Variants in GNPTAB observed in about 807,000 individuals in gnomAD.
GNPTAB encodes N-acetylglucosamine-1-phosphate transferase subunits alpha and beta, also known as N-acetylglucosamine-1-phosphotransferase subunits alpha/beta.
A neutral mutation model predicts 136.6 loss-of-function variants in GNPTAB; 92 were observed. That is an observed-to-expected ratio of 0.67 (90% CI 0.57 to 0.80). GNPTAB has a LOEUF of 0.80. Ranked by LOEUF, GNPTAB falls within the 30% of genes least tolerant of loss-of-function variation. GNPTAB has a pLI of 0.00. For synonymous variants in GNPTAB, 512 were observed against 535.1 expected (o/e 0.96, Z 0.60); for missense variants, 1,343 against 1,501.8 (o/e 0.89, Z 1.75).
In GNPTAB at chr12:101,808,809, G is replaced by A. The variant is rs566815687; in HGVS notation, c.118-12047C>T. ...ACTAAAAATACAAAATTAGCTGGGC[G>A]TGGTGGTGCATGCCTGTAATCCCAG... On this transcript the variant is annotated intron_variant, in intron 1 of 20. Coordinates refer to ENST00000299314, the MANE Select transcript of GNPTAB (RefSeq NM_024312.5). Among the ~76,000 whole-genome samples, 14 of 152,176 alleles carry A rather than the reference G, an allele frequency of 9.2e-5. No homozygotes were observed. The South Asian group carries it at 1.0e-3, about 11-fold the overall frequency.
chr12:101,776,360 A>G (rs2137131921), intron 7 of GNPTAB, among the ~76,000 whole-genome samples: 1 of 152,356 alleles, frequency 6.6e-6, no homozygotes, highest in South Asian at 2.1e-4. Flanking sequence ...TGTGTCCGTC[A>G]TACACAAAAA....
At position 101,749,201 on chromosome 12, in the gene GNPTAB, G is replaced by C. The variant is rs1389316737; in HGVS notation, c.3603-10C>G. The C allele has an allele frequency of 1.3e-6, 2 of 1,542,806 alleles. No individual in the cohort carries two copies. The stretch of plus-strand genomic sequence containing the variant: ...GTCTCGATAAGCCCTCCTGTGCAGA[G>C]AGAAGAAAGCAACTATGTACTTCTG... On this transcript the variant is annotated splice_polypyrimidine_tract_variant and intron_variant, in intron 19 of 20. Coordinates refer to ENST00000299314, the MANE Select transcript of GNPTAB (RefSeq NM_024312.5).
chr12:101,796,967 T>C (rs112636650), intron 1 of GNPTAB, among the ~76,000 whole-genome samples: 57 of 152,282 alleles, frequency 3.7e-4, no homozygotes, highest in African/African-American at 1.3e-3. Flanking sequence ...AAAGACTTAG[T>C]GTCTCACCAT....
chr12:101,803,633 T>C (rs966358511), intron 1 of GNPTAB, among the ~76,000 whole-genome samples: 8 of 152,196 alleles, frequency 5.3e-5, no homozygotes, highest in African/African-American at 1.4e-4. Context: ...TCTACCGCAA[T>C]AGACACACAA....
chr12:101,801,339 C>T (rs1424439024), intron 1 of GNPTAB, among the ~76,000 whole-genome samples: 3 of 148,648 alleles, frequency 2.0e-5, no homozygotes, highest in Non-Finnish European at 3.0e-5. Context: ...CCCAGGAGTT[C>T]GAGACCAGCA....
chr12:101,810,432 T>TACACACACACACACACACAC (rs71438442), intron 1 of GNPTAB: 1 of 107,504 alleles, frequency 9.3e-6, no homozygotes, highest in Non-Finnish European at 1.9e-5. Context: ...TACACACACA[T>TACACACACACACACACACAC]ACACACACAC....
intron 1 of GNPTAB, among the ~76,000 whole-genome samples, chr12:101,805,475 T>C (rs891884893): frequency 6.6e-6 from 1 of 152,184 alleles, no homozygotes. Flanking sequence ...GCAGCCTTGA[T>C]GTACTGAGCC....
intron 1 of GNPTAB, among the ~76,000 whole-genome samples, chr12:101,798,976 C>T (rs1869457349): frequency 1.3e-5 from 2 of 151,984 alleles, no homozygotes; most frequent in African/African-American, 4.8e-5. Context: ...TTGACACGTA[C>T]CATAGATTGA....
chr12:101,829,901 C>G (rs756530481), intron 1 of GNPTAB, among the ~76,000 whole-genome samples: 1 of 150,310 alleles, frequency 6.7e-6, no homozygotes, highest in East Asian at 2.0e-4. Flanking sequence ...CCTTCTCTTA[C>G]GGAGCTTACA....
intron 1 of GNPTAB, among the ~76,000 whole-genome samples, chr12:101,812,111 G>A (rs186566639): frequency 1.7e-3 from 254 of 152,120 alleles, no homozygotes; most frequent in African/African-American, 6.0e-3. Context: ...TGGGCGTGGT[G>A]GCATGTGCCT....
Position 101,745,525 on chromosome 12 carries a change from G to T in GNPTAB, c.*1639C>A, listed in dbSNP as rs2137093833. Reference sequence around the variant, plus strand: ...CAGACAAAAATTTAACTTTTTATGAGATTTCAGTTTTTGAAATACACAACT... The same window carrying T: ...CAGACAAAAATTTAACTTTTTATGATATTTCAGTTTTTGAAATACACAACT... On this transcript the variant is annotated 3_prime_UTR_variant, in exon 21 of 21. Coordinates refer to ENST00000299314, the MANE Select transcript of GNPTAB (RefSeq NM_024312.5). 1 of 152,256 alleles carries T rather than the reference G, an allele frequency of 6.6e-6. No homozygotes were observed. The highest frequency in any genetic ancestry group is 2.1e-4 in the South Asian group (1 of 4,822). 9.4% of individuals were successfully genotyped at this position (152,256 alleles called of 1,614,324 possible).
chr12:101,747,916 G>A (rs1044846923), intron 20 of GNPTAB, among the ~76,000 whole-genome samples: 12 of 152,118 alleles, frequency 7.9e-5, no homozygotes, highest in Non-Finnish European at 1.8e-4. Flanking sequence ...AGGAAAGACT[G>A]CCTCTCTAGT....
intron 1 of GNPTAB, among the ~76,000 whole-genome samples, chr12:101,818,582 T>A (rs1870633597): frequency 6.6e-6 from 1 of 152,086 alleles, no homozygotes; most frequent in South Asian, 2.1e-4. Flanking sequence ...TTCACCATGT[T>A]GCCAGGCTGG....
At chr12:101,800,841 G>A (rs1310193749) in intron 1 of GNPTAB, among the ~76,000 whole-genome samples, 1 of 151,826 alleles carries the variant, frequency 6.6e-6, no homozygotes, top group Admixed American at 6.6e-5. Context: ...ATCTGAGTGG[G>A]AGGCATACTT....
chr12:101,757,421 A>G, intron 17 of GNPTAB, 111 bp from the exon 18 acceptor site: 1 of 798,314 alleles, frequency 1.3e-6, no homozygotes, highest in Non-Finnish European at 2.1e-6. Context: ...CATCCACAAA[A>G]TAACTTAAAC....
chr12:101,806,552 G>A (rs888003451), intron 1 of GNPTAB, among the ~76,000 whole-genome samples: 1 of 151,982 alleles, frequency 6.6e-6, no homozygotes, highest in Non-Finnish European at 1.5e-5. Flanking sequence ...TAGCTAAAAT[G>A]GCAAATTTTA....
intron 19 of GNPTAB, 150 bp from the exon 20 acceptor site, chr12:101,749,341 T>C (rs1440152149): frequency 1.7e-5 from 11 of 651,316 alleles, no homozygotes; most frequent in Admixed American, 1.3e-4. Context: ...ACAATATACA[T>C]TTCCAACACG....
At chr12:101,784,672 A>C (rs571911930) in intron 5 of GNPTAB, among the ~76,000 whole-genome samples, 1 of 138,404 alleles carries the variant, frequency 7.2e-6, no homozygotes, top group Non-Finnish European at 1.5e-5. Flanking sequence ...GAACCTAAGA[A>C]TCATGTGGAA....
At chr12:101,788,485 A>G (rs940494256) in intron 4 of GNPTAB, 63 bp downstream of exon 4, 11 of 966,478 alleles carry the variant, frequency 1.1e-5, no homozygotes, top group Non-Finnish European at 1.7e-5. Context: ...AAAACAAATG[A>G]TAATCTGAAA....
Sources: allele counts gnomAD v4.1 joint callset (sites outside exome capture counted in the v4.1 genomes callset), GRCh38; gene constraint gnomAD v4.1.1; transcripts MANE v1.5; gene names NCBI Gene and HGNC (gene_info 2026-07-23, HGNC 2026-07-21).